DCC: variants seen among roughly 807,000 people sequenced by gnomAD.
The protein encoded by DCC is DCC netrin 1 receptor.
A neutral mutation model predicts 172.5 loss-of-function variants in DCC; 58 were observed. That is an observed-to-expected ratio of 0.34 (90% CI 0.27 to 0.42). DCC has a LOEUF of 0.42. DCC is among the 10% of genes least tolerant of loss of function. The pLI, the probability that DCC is intolerant of heterozygous loss-of-function variation, is 1.00. For missense variants in DCC, 1,740 were observed against 1,791.0 expected (o/e 0.97, Z 0.51); for synonymous variants, 709 against 644.5 (o/e 1.10, Z -1.52).
intron 3 of DCC, among the ~76,000 whole-genome samples, chr18:52,911,933 C>T (rs1450447598): frequency 6.6e-6 from 1 of 151,774 alleles, no homozygotes; most frequent in Non-Finnish European, 1.5e-5. Context: ...GTATTTAAGC[C>T]AGATGAAGTC....
At chr18:52,458,015 C>T (rs1253205294) in intron 1 of DCC, among the ~76,000 whole-genome samples, 1 of 152,184 alleles carries the variant, frequency 6.6e-6, no homozygotes, top group Admixed American at 6.5e-5. Flanking sequence ...GGAGTCTGAT[C>T]TGTTCACTTC....
chr18:53,416,217 C>A, intron 21 of DCC, 61 bp downstream of exon 21: 2 of 1,172,466 alleles, frequency 1.7e-6, no homozygotes, highest in Non-Finnish European at 2.6e-6. Flanking sequence ...TTAGACATGT[C>A]AGTCATTACT....
intron 23 of DCC, among the ~76,000 whole-genome samples, chr18:53,458,996 C>T (rs888305802): frequency 8.5e-5 from 13 of 152,126 alleles, no homozygotes; most frequent in Admixed American, 2.0e-4. Flanking sequence ...AAGGAGCTCT[C>T]TGCCAGGAAG....
intron 1 of DCC, among the ~76,000 whole-genome samples, chr18:52,370,561 CAG>C (rs1437398592): frequency 6.6e-6 from 1 of 152,016 alleles, no homozygotes; most frequent in Non-Finnish European, 1.5e-5. Context: ...TCAGGCCTGT[CAG>C]GGGTGTGGGG....
intron 1 of DCC, among the ~76,000 whole-genome samples, chr18:52,464,650 T>A (rs1381665446): frequency 6.6e-6 from 1 of 152,194 alleles, no homozygotes; most frequent in East Asian, 1.9e-4. Flanking sequence ...TTTCTGAAAC[T>A]TTGAATGCAA....
intron 1 of DCC, among the ~76,000 whole-genome samples, chr18:52,700,499 A>G: frequency 6.6e-6 from 1 of 152,146 alleles, no homozygotes; most frequent in East Asian, 1.9e-4. Context: ...TCTCACCTTC[A>G]CTTTCTACCT....
chr18:52,728,248 C>T (rs931195064), intron 1 of DCC, among the ~76,000 whole-genome samples: 1 of 151,972 alleles, frequency 6.6e-6, no homozygotes, highest in African/African-American at 2.4e-5. Context: ...TAATAAGCTA[C>T]TAAAAAGCAT....
chr18:53,488,368 CTA>C (rs1474431395), intron 26 of DCC, among the ~76,000 whole-genome samples: 1 of 151,966 alleles, frequency 6.6e-6, no homozygotes, highest in Admixed American at 6.6e-5. Flanking sequence ...GAGCTAGACT[CTA>C]TTTATTTCAA....
intron 1 of DCC, among the ~76,000 whole-genome samples, chr18:52,386,167 C>G (rs1003522646): frequency 1.3e-5 from 2 of 152,024 alleles, no homozygotes; most frequent in African/African-American, 4.8e-5. Flanking sequence ...GCCTAAGTAA[C>G]TTTTCCAGGG....
intron 1 of DCC, among the ~76,000 whole-genome samples, chr18:52,369,210 T>C (rs1160776096): frequency 6.6e-6 from 1 of 152,212 alleles, no homozygotes; most frequent in African/African-American, 2.4e-5. Flanking sequence ...CTAGATTCTG[T>C]TTAAATTTTA....
intron 15 of DCC, among the ~76,000 whole-genome samples, chr18:53,352,987 A>G (rs1286407238): frequency 1.3e-5 from 2 of 152,186 alleles, no homozygotes; most frequent in Non-Finnish European, 2.9e-5. Flanking sequence ...TAAATACTAT[A>G]CCACTTAATA....
chr18:53,148,496 A>C (rs1476505824), intron 7 of DCC, among the ~76,000 whole-genome samples: 1 of 152,160 alleles, frequency 6.6e-6, no homozygotes, highest in Admixed American at 6.5e-5. Flanking sequence ...GCGAGCTGCA[A>C]TTGGGTAGAA....
At chr18:53,393,919 C>G (rs1908743022) in intron 17 of DCC, among the ~76,000 whole-genome samples, 1 of 151,354 alleles carries the variant, frequency 6.6e-6, no homozygotes, top group Non-Finnish European at 1.5e-5. Context: ...CTCTCCCTCT[C>G]TCCCTCCCTC....
chr18:52,602,462 T>C (rs1185853634), intron 1 of DCC, among the ~76,000 whole-genome samples: 1 of 151,560 alleles, frequency 6.6e-6, no homozygotes, highest in Admixed American at 6.6e-5. Context: ...TGCTCATTTT[T>C]CCCTCTCAAC....
chr18:52,366,188 T>C (rs1171353142), intron 1 of DCC, among the ~76,000 whole-genome samples: 1 of 152,190 alleles, frequency 6.6e-6, no homozygotes, highest in Non-Finnish European at 1.5e-5. Flanking sequence ...AAAATATTAG[T>C]ACTAATGTGT....
intron 2 of DCC, among the ~76,000 whole-genome samples, chr18:52,837,311 A>C (rs1446673858): frequency 1.3e-5 from 2 of 152,148 alleles, no homozygotes; most frequent in African/African-American, 4.8e-5. Flanking sequence ...GGCTGGCTTG[A>C]ATTTCTCCCC....
intron 12 of DCC, among the ~76,000 whole-genome samples, chr18:53,237,728 ATAAT>A (rs1310191429): frequency 8.5e-5 from 13 of 152,340 alleles, no homozygotes; most frequent in African/African-American, 2.9e-4. Context: ...AAATCAAATT[ATAAT>A]TCCCATTGTT....
chr18:52,889,935 G>T (rs1428518830), intron 2 of DCC, among the ~76,000 whole-genome samples: 1 of 152,066 alleles, frequency 6.6e-6, no homozygotes, highest in East Asian at 1.9e-4. Flanking sequence ...CAAGGAGAGT[G>T]TTAATTGGTG....
chr18:53,248,221 C>A (rs1279790844), intron 12 of DCC, among the ~76,000 whole-genome samples: 1 of 152,038 alleles, frequency 6.6e-6, no homozygotes, highest in African/African-American at 2.4e-5. Flanking sequence ...CTTCCCCCAT[C>A]TCTTTATGTA....
Sources: allele counts gnomAD v4.1 joint callset (sites outside exome capture counted in the v4.1 genomes callset), GRCh38; gene constraint gnomAD v4.1.1; transcripts MANE v1.5; gene names NCBI Gene and HGNC (gene_info 2026-07-23, HGNC 2026-07-21).